The following COL23A1 variants were observed in gnomAD, a reference collection of about 807,000 sequenced individuals.
COL23A1 encodes the protein collagen type XXIII alpha 1 chain, also known as collagen alpha-1(XXIII) chain.
A neutral mutation model predicts 99.3 loss-of-function variants in COL23A1; 97 were observed. The observed-to-expected ratio is 0.98, with a 90% CI of 0.83 to 1.16. The LOEUF is 1.16. Ranked by LOEUF, COL23A1 falls within the 50% of genes most tolerant of loss-of-function variation. The pLI is 0.00. For missense variants in COL23A1, 762 were observed against 757.4 expected, an observed-to-expected ratio of 1.01 and a Z score of -0.07; for synonymous variants, 320 against 308.2, an observed-to-expected ratio of 1.04 and a Z score of -0.40.
At chr5:178,247,953 G>C (rs745500999) in intron 20 of COL23A1, 122 bp from the exon 21 acceptor site, 46 of 891,366 alleles carry the variant, frequency 5.2e-5, no homozygotes, top group Non-Finnish European at 7.2e-5. Flanking sequence ...GGCAGAGTCT[G>C]GTGAGCAGGT....
chr5:178,260,086 G>A (rs1354842055), intron 11 of COL23A1, among the ~76,000 whole-genome samples: 1 of 152,206 alleles, frequency 6.6e-6, no homozygotes, highest in African/African-American at 2.4e-5. Context: ...CCGTCAGCGA[G>A]GACCAGAGCC....
At chr5:178,500,932 AC>A (rs1581513098) in intron 2 of COL23A1, among the ~76,000 whole-genome samples, 3 of 152,270 alleles carry the variant, frequency 2.0e-5, no homozygotes, top group Admixed American at 6.5e-5. Flanking sequence ...AAAGTCACAA[AC>A]TGCGAAATAT....
chr5:178,301,837 T>C (rs1758050416), intron 3 of COL23A1, among the ~76,000 whole-genome samples: 1 of 150,416 alleles, frequency 6.6e-6, no homozygotes. Context: ...CACCTGTGTG[T>C]GCGCCGGAGC....
At chr5:178,479,033 G>A (rs895726304) in intron 2 of COL23A1, among the ~76,000 whole-genome samples, 31 of 152,216 alleles carry the variant, frequency 2.0e-4, no homozygotes, top group African/African-American at 7.2e-4. Context: ...GGCCCAGGGA[G>A]ACAGCCATGT....
chr5:178,514,419 AT>A (rs1759389640), intron 2 of COL23A1, among the ~76,000 whole-genome samples: 4 of 152,314 alleles, frequency 2.6e-5, no homozygotes, highest in African/African-American at 9.6e-5. Context: ...TTTGGAGTAT[AT>A]CCCCAACAGT....
chr5:178,362,872 A>C (rs1762246433), intron 2 of COL23A1, among the ~76,000 whole-genome samples: 1 of 150,674 alleles, frequency 6.6e-6, no homozygotes, highest in Non-Finnish European at 1.5e-5. Flanking sequence ...CAGAAGCCAA[A>C]TCTATGACAC....
intron 2 of COL23A1, chr5:178,345,032 G>A (rs1760883158): frequency 1.7e-6 from 1 of 581,178 alleles, no homozygotes; most frequent in South Asian, 1.5e-5. Context: ...CTCACCACCT[G>A]GAGATCTCCA....
chr5:178,238,360 G>A lies in COL23A1; in HGVS notation c.*338C>T. ...TGCGGGGGCAGGTTCTTACAGGGCAGTACCACAGCTGAGAGTCTCTCTGCT... is the reference window on the plus strand; with the variant it reads ...TGCGGGGGCAGGTTCTTACAGGGCAATACCACAGCTGAGAGTCTCTCTGCT... On this transcript the variant is annotated 3_prime_UTR_variant, in exon 29 of 29. Coordinates refer to ENST00000390654, the MANE Select transcript of COL23A1 (RefSeq NM_173465.4). The A allele has an allele frequency of 6.1e-6, 2 of 329,022 alleles. No individual in the cohort carries two copies. The highest frequency in any genetic ancestry group is 7.6e-5 in the South Asian group (2 of 26,458). The allele number at this position is 329,022 out of a possible 1,614,324, so 20.4% of individuals were successfully genotyped here.
rs937520037 is a variant in COL23A1, at chr5:178,468,444, C to T, written c.361+92238G>A. The stretch of plus-strand genomic sequence containing the variant: ...AATGCAAGAATATCAACAACCACGG[C>T]TCCGTCTCCTGTGGGCTAGACACTG... On this transcript the variant is annotated intron_variant, in intron 2 of 28. Coordinates refer to ENST00000390654, the MANE Select transcript of COL23A1 (RefSeq NM_173465.4). This position sits in a 1 kb window ranked among gnomAD's most constrained non-coding sequence, Gnocchi z 4.2. Among the ~76,000 whole-genome samples, 10 of 152,192 alleles carry T rather than the reference C, an allele frequency of 6.6e-5. No homozygotes were observed. The highest frequency in any genetic ancestry group is 2.4e-4 in the African/African-American group (10 of 41,438).
intron 5 of COL23A1, among the ~76,000 whole-genome samples, chr5:178,276,405 T>C (rs1335876342): frequency 6.6e-6 from 1 of 152,192 alleles, no homozygotes; most frequent in Non-Finnish European, 1.5e-5. Flanking sequence ...CAAAATGCAC[T>C]AGGACAAGGC....
chr5:178,336,593 GCTTACAGGGGAGGAGTATC>G (rs956636071), intron 2 of COL23A1, among the ~76,000 whole-genome samples: 1 of 152,228 alleles, frequency 6.6e-6, no homozygotes, highest in Non-Finnish European at 1.5e-5. Flanking sequence ...GAGAGCCACT[GCTTACAGGGGAGGAGTATC>G]CTTTTGGGTG....
intron 2 of COL23A1, among the ~76,000 whole-genome samples, chr5:178,521,101 T>C (rs984888521): frequency 6.6e-6 from 1 of 152,194 alleles, no homozygotes; most frequent in Non-Finnish European, 1.5e-5. Context: ...ATACCATAGA[T>C]GATTGCAACA....
chr5:178,449,490 T>C (rs1409676145), intron 2 of COL23A1, among the ~76,000 whole-genome samples: 1 of 152,136 alleles, frequency 6.6e-6, no homozygotes, highest in Admixed American at 6.5e-5. Flanking sequence ...ACGCTGTCCT[T>C]CAAGCCTCAT....
intron 1 of COL23A1, among the ~76,000 whole-genome samples, chr5:178,578,583 C>T (rs1763510302): frequency 1.3e-5 from 2 of 152,160 alleles, no homozygotes; most frequent in African/African-American, 4.8e-5. Context: ...TGCTTTATGC[C>T]TTGTTTCACA....
intron 2 of COL23A1, among the ~76,000 whole-genome samples, chr5:178,472,011 G>A (rs762337827): frequency 1.3e-5 from 2 of 152,156 alleles, no homozygotes; most frequent in Non-Finnish European, 2.9e-5. Flanking sequence ...CTGGGTGCAG[G>A]CCGGGCCTGG....
At chr5:178,430,419 C>T (rs187295747) in intron 2 of COL23A1, among the ~76,000 whole-genome samples, 1 of 152,266 alleles carries the variant, frequency 6.6e-6, no homozygotes, top group East Asian at 1.9e-4. Context: ...GCTCATAGTC[C>T]CCTGGAAAGG....
chr5:178,376,003 G>A (rs200963406), intron 2 of COL23A1, among the ~76,000 whole-genome samples: 8 of 152,132 alleles, frequency 5.3e-5, no homozygotes, highest in African/African-American at 1.9e-4. Flanking sequence ...CACCACGCCC[G>A]GCTCCCATTC....
chr5:178,253,147 A>C (rs1765122228), intron 16 of COL23A1, among the ~76,000 whole-genome samples: 1 of 152,052 alleles, frequency 6.6e-6, no homozygotes. Flanking sequence ...GTCCTGATCC[A>C]GGCTTTCTGC....
At chr5:178,525,083 T>TTTATCTAAAACACTCAGTGCAA (rs1562053919) in intron 2 of COL23A1, among the ~76,000 whole-genome samples, 1 of 140,286 alleles carries the variant, frequency 7.1e-6, no homozygotes, top group African/African-American at 2.7e-5. Flanking sequence ...ACCCGAAGGC[T>TTTATCTAAAACACTCAGTGCAA]AAGCTCACAT....
Sources: allele counts gnomAD v4.1 joint callset (sites outside exome capture counted in the v4.1 genomes callset), GRCh38; gene constraint gnomAD v4.1.1; non-coding constraint Gnocchi (gnomAD v3.1); transcripts MANE v1.5; gene names NCBI Gene and HGNC (gene_info 2026-07-23, HGNC 2026-07-21).